The following HYDIN variants were observed in gnomAD, a reference collection of about 807,000 sequenced individuals.
HYDIN encodes the protein axonemal central pair apparatus protein HYDIN.
HYDIN carries 132 observed loss-of-function variants against 403.9 expected under a neutral mutation model. The ratio of observed to expected loss-of-function variants is 0.33; its 90% confidence interval spans 0.28 to 0.38. The LOEUF (loss-of-function observed/expected upper bound fraction) is 0.38. HYDIN is among the 10% of genes least tolerant of loss of function. The pLI, the probability that HYDIN is intolerant of heterozygous loss-of-function variation, is 1.00. For missense variants in HYDIN, 2,827 were observed against 5,009.5 expected (o/e 0.56, Z 13.15); for synonymous variants, 1,202 against 1,891.7 (o/e 0.64, Z 9.46).
intron 45 of HYDIN, among the ~76,000 whole-genome samples, chr16:70,928,104 TA>T (rs1445173503): frequency 1.3e-5 from 2 of 152,070 alleles, no homozygotes; most frequent in Admixed American, 6.6e-5. Flanking sequence ...GGCATTTAGG[TA>T]AAAATAAATG....
rs375798795 is a variant in HYDIN at position 70,908,879 on chromosome 16, A to C, written c.8005-18T>G. The C allele has an allele frequency of 2.5e-6, 4 of 1,609,928 alleles. No individual in the cohort carries two copies. In the South Asian group the frequency reaches 3.3e-5, roughly 13 times the overall value. Reference sequence around the variant, plus strand: ...TCTTGAGCCTTAATTAAAAACGAGCATGAGGTCTTAAATATTCACTTTTTG... The same window carrying C: ...TCTTGAGCCTTAATTAAAAACGAGCCTGAGGTCTTAAATATTCACTTTTTG... On this transcript the variant is annotated intron_variant, in intron 47 of 85. Coordinates refer to ENST00000393567, the MANE Select transcript of HYDIN (RefSeq NM_001270974.2).
intron 1 of HYDIN, among the ~76,000 whole-genome samples, chr16:71,207,032 A>G (rs1344598186): frequency 6.6e-6 from 1 of 152,210 alleles, no homozygotes; most frequent in Admixed American, 6.5e-5. Context: ...AACTTCCCCA[A>G]CCTAGCTAGA....
At chr16:71,004,319 A>G (rs1046784829) in intron 23 of HYDIN, among the ~76,000 whole-genome samples, 1 of 149,776 alleles carries the variant, frequency 6.7e-6, no homozygotes, top group Non-Finnish European at 1.5e-5. Context: ...CATTTCAAAA[A>G]AAAAAAAAAA....
chr16:71,198,201 C>A, intron 1 of HYDIN, among the ~76,000 whole-genome samples: 1 of 152,166 alleles, frequency 6.6e-6, no homozygotes, highest in South Asian at 2.1e-4. Flanking sequence ...CAGCTGTAGT[C>A]CATTTTGTGT....
intron 1 of HYDIN, among the ~76,000 whole-genome samples, chr16:71,217,559 T>C (rs1323578828): frequency 2.0e-5 from 3 of 152,158 alleles, no homozygotes; most frequent in Admixed American, 6.5e-5. Flanking sequence ...TAAAGGTCAA[T>C]GTCCTTTTGC....
At chr16:70,824,328 C>T (rs996037551) in intron 83 of HYDIN, among the ~76,000 whole-genome samples, 1 of 151,766 alleles carries the variant, frequency 6.6e-6, no homozygotes, top group African/African-American at 2.4e-5. Flanking sequence ...AATGAGAAAC[C>T]TTCTCTTATT....
chr16:70,960,777 C>T (rs1446212957), intron 38 of HYDIN, among the ~76,000 whole-genome samples: 9 of 152,170 alleles, frequency 5.9e-5, no homozygotes, highest in East Asian at 5.8e-4. Flanking sequence ...CTGCAACCTC[C>T]GCCTCCCGGG....
At chr16:71,070,520 G>C (rs2082435157) in intron 13 of HYDIN, among the ~76,000 whole-genome samples, 1 of 132,574 alleles carries the variant, frequency 7.5e-6, no homozygotes, top group South Asian at 2.5e-4. Context: ...GTAGAGATGG[G>C]GTTTCACCAT....
chr16:71,196,185 T>A (rs1352718057), intron 1 of HYDIN, among the ~76,000 whole-genome samples: 1 of 152,216 alleles, frequency 6.6e-6, no homozygotes, highest in East Asian at 1.9e-4. Flanking sequence ...AAAGGCAATT[T>A]TATGTGTCAA....
chr16:70,995,924 T>C (rs2079518175), intron 23 of HYDIN, among the ~76,000 whole-genome samples: 1 of 151,072 alleles, frequency 6.6e-6, no homozygotes, highest in Non-Finnish European at 1.5e-5. Context: ...ATTAGGGTGA[T>C]GCCCCCAGGT....
chr16:71,225,753 T>C (rs1204429670), intron 1 of HYDIN, among the ~76,000 whole-genome samples: 2 of 152,042 alleles, frequency 1.3e-5, no homozygotes, highest in Non-Finnish European at 2.9e-5. Context: ...AGGTTTAACA[T>C]TTGATTGGGT....
intron 23 of HYDIN, among the ~76,000 whole-genome samples, chr16:70,998,948 T>C (rs1199925415): frequency 2.0e-5 from 3 of 152,172 alleles, no homozygotes; most frequent in East Asian, 3.9e-4. Flanking sequence ...GGAAGCCAAC[T>C]AAAGACATGT....
At chr16:71,219,732 A>G (rs1405180454) in intron 1 of HYDIN, among the ~76,000 whole-genome samples, 1 of 152,182 alleles carries the variant, frequency 6.6e-6, no homozygotes, top group African/African-American at 2.4e-5. Flanking sequence ...GCATTTTATG[A>G]TATGTCAATT....
chr16:70,942,590 A>AGTGC lies in HYDIN; in HGVS notation c.6670-772_6670-771insGCAC, dbSNP rs2077716455. Among the ~76,000 whole-genome samples, 4 of 152,404 alleles carry AGTGC rather than the reference A, an allele frequency of 2.6e-5. No individual in the cohort carries two copies. In the East Asian group the frequency reaches 7.7e-4, roughly 29 times the overall value. ...AACAGCCTCTGCCTTACTCAGTGTT[A>AGTGC]CTCAAAGTGTAGCCCATAGACTGGC... On this transcript the variant is annotated intron_variant, in intron 42 of 85. Transcript: ENST00000393567.
chr16:70,812,433 G>A (rs2035566604), intron 84 of HYDIN, among the ~76,000 whole-genome samples: 2 of 152,180 alleles, frequency 1.3e-5, no homozygotes, highest in Non-Finnish European at 2.9e-5. Flanking sequence ...AGGTTGCAGT[G>A]AGCCTGATCA....
intron 4 of HYDIN, 55 bp from the exon 5 acceptor site, chr16:71,175,796 C>T: frequency 6.3e-7 from 1 of 1,584,974 alleles, no homozygotes; most frequent in African/African-American, 1.3e-5. Context: ...CAGAGTTAAA[C>T]ACAGACTGAA....
intron 50 of HYDIN, among the ~76,000 whole-genome samples, chr16:70,904,478 C>CTTTTTTTTTTT (rs76148650): frequency 2.8e-4 from 7 of 25,218 alleles, no homozygotes; most frequent in East Asian, 1.2e-3. Context: ...ACTTGAGTAA[C>CTTTTTTTTTTT]TTTTTTTTTT....
chr16:70,807,968 G>C lies in HYDIN; in HGVS notation c.14978C>G (p.Pro4993Arg). ...GCCCTTGGTCTCACCCAGGTGGCTGGGCTCGAATAAGACTTCCACACTGGC... is the reference window on the plus strand; with the variant it reads ...GCCCTTGGTCTCACCCAGGTGGCTGCGCTCGAATAAGACTTCCACACTGGC... ...TEASVEVLFE[P>R]SHLGETKGIL... Residue 4993 changes from proline (P) to arginine (R), a missense_variant, in exon 86 of 86, where the codon CCC becomes CGC. Coordinates refer to ENST00000393567, the MANE Select transcript of HYDIN (RefSeq NM_001270974.2). 6.2e-7 allele frequency: 1 copy of C among 1,614,126 alleles called. No individual in the cohort carries two copies. Among genetic ancestry groups the C allele is most frequent in the Non-Finnish European group, 8.5e-7 (1 of 1,180,026 alleles).
intron 39 of HYDIN, among the ~76,000 whole-genome samples, chr16:70,957,915 CATTA>C (rs1178459141): frequency 1.7e-5 from 2 of 120,620 alleles, no homozygotes; most frequent in African/African-American, 3.3e-5. Context: ...TTGTCCACAT[CATTA>C]ATTATTTTTC....
Sources: allele counts gnomAD v4.1 joint callset (sites outside exome capture counted in the v4.1 genomes callset), GRCh38; gene constraint gnomAD v4.1.1; transcripts MANE v1.5; gene names NCBI Gene and HGNC (gene_info 2026-07-23, HGNC 2026-07-21).